Variants in LDAH observed in about 807,000 individuals in gnomAD.
The protein encoded by LDAH is lipid droplet associated hydrolase.
A neutral mutation model predicts 29.6 loss-of-function variants in LDAH; 26 were observed. That is an observed-to-expected ratio of 0.88 (90% CI 0.64 to 1.22). LDAH has a LOEUF of 1.22. Ranked by LOEUF, LDAH falls within the 50% of genes most tolerant of loss-of-function variation. LDAH has a pLI of 0.00. For synonymous variants in LDAH, 117 were observed against 133.0 expected, an observed-to-expected ratio of 0.88 and a Z score of 0.83; for missense variants, 344 against 387.3, an observed-to-expected ratio of 0.89 and a Z score of 0.94.
Position 20,790,316 on chromosome 2 carries a change from AG to A in LDAH, c.236del (p.Thr79IlefsTer34), listed in dbSNP as rs767279748. 1.2e-6 allele frequency: 2 copies of A among 1,614,118 alleles called. No individual in the cohort carries two copies. The highest frequency in any genetic ancestry group is 2.2e-5 in the South Asian group (2 of 91,084). On this transcript the variant is annotated frameshift_variant, in exon 3 of 7. Coordinates refer to ENST00000237822, the MANE Select transcript of LDAH (RefSeq NM_021925.4). LOFTEE classifies it high-confidence loss of function. ...CCAACGCATGCCCAGCATGACTGAT[AG>A]TCCAAACTGGAAAGCGTCTGTTTGT... ...SLTNRRFPVW[T>X]ISHAGHALAP...
intron 4 of LDAH, among the ~76,000 whole-genome samples, chr2:20,744,343 TG>T (rs1209313302): frequency 6.6e-6 from 1 of 151,006 alleles, no homozygotes; most frequent in Non-Finnish European, 1.5e-5. Context: ...AGCAGTTAGG[TG>T]GGGGAAAGGG....
At chr2:20,751,657 T>C (rs1225394443) in intron 4 of LDAH, among the ~76,000 whole-genome samples, 1 of 152,176 alleles carries the variant, frequency 6.6e-6, no homozygotes, top group Non-Finnish European at 1.5e-5. Context: ...CATTCATCCA[T>C]TGATTTCAGG....
rs550014362 is a variant in LDAH at position 20,766,776 on chromosome 2, C to G, written c.468+8034G>C. On this transcript the variant is annotated intron_variant, in intron 4 of 6. Transcript: ENST00000237822. Reference sequence around the variant, plus strand: ...GCTATCCACAGTGGGGAGGCATAGACGGTGGCAGCAGAAGTGGCTACAGGA... The same window carrying G: ...GCTATCCACAGTGGGGAGGCATAGAGGGTGGCAGCAGAAGTGGCTACAGGA... 2.6e-5 allele frequency among the ~76,000 whole-genome samples: 4 copies of G among 152,216 alleles called. No homozygotes were observed. The East Asian group carries it at 7.7e-4, about 29-fold the overall frequency.
At chr2:20,756,521 A>G (rs1668355787) in intron 4 of LDAH, among the ~76,000 whole-genome samples, 1 of 152,174 alleles carries the variant, frequency 6.6e-6, no homozygotes, top group Admixed American at 6.5e-5. Context: ...AGAAAGAGAG[A>G]CCCATGAAGT....
chr2:20,772,848 T>G (rs1277486040), intron 4 of LDAH, among the ~76,000 whole-genome samples: 1 of 152,180 alleles, frequency 6.6e-6, no homozygotes, highest in Non-Finnish European at 1.5e-5. Context: ...AATGGGATCC[T>G]GTCAAAAACC....
intron 4 of LDAH, among the ~76,000 whole-genome samples, chr2:20,755,511 A>T (rs1196662948): frequency 6.6e-6 from 1 of 152,210 alleles, no homozygotes; most frequent in Non-Finnish European, 1.5e-5. Context: ...TTTTGTTCAC[A>T]GATGGATCCA....
chr2:20,736,937 T>C (rs1572511196), intron 5 of LDAH, among the ~76,000 whole-genome samples: 1 of 152,326 alleles, frequency 6.6e-6, no homozygotes, highest in South Asian at 2.1e-4. Context: ...GTTAATAAAT[T>C]TATACATTTT....
At chr2:20,734,150 C>T (rs1034403037) in intron 5 of LDAH, among the ~76,000 whole-genome samples, 1 of 152,120 alleles carries the variant, frequency 6.6e-6, no homozygotes, top group Non-Finnish European at 1.5e-5. Flanking sequence ...TAAATGTTTG[C>T]ATAATGTATC....
intron 1 of LDAH, among the ~76,000 whole-genome samples, chr2:20,813,703 T>C (rs912783342): frequency 6.6e-6 from 1 of 152,254 alleles, no homozygotes; most frequent in Non-Finnish European, 1.5e-5. Flanking sequence ...TAGAATGGTA[T>C]CTTTCCCTCT....
chr2:20,821,617 G>A (rs949940493), intron 1 of LDAH, among the ~76,000 whole-genome samples: 3 of 152,142 alleles, frequency 2.0e-5, no homozygotes, highest in Admixed American at 2.0e-4. Context: ...GGCCTGTTGT[G>A]GGGTGGGGTG....
At chr2:20,727,004 G>GAAAAAC (rs1220706074) in intron 5 of LDAH, among the ~76,000 whole-genome samples, 1 of 151,984 alleles carries the variant, frequency 6.6e-6, no homozygotes. Flanking sequence ...AACACTGACC[G>GAAAAAC]AAAAACAAAA....
At chr2:20,704,145 G>T (rs1017421608) in intron 5 of LDAH, among the ~76,000 whole-genome samples, 2 of 152,218 alleles carry the variant, frequency 1.3e-5, no homozygotes, top group African/African-American at 4.8e-5. Context: ...TCTAGACAGA[G>T]AATAGGGTAG....
chr2:20,762,482 C>T (rs1668758693), intron 4 of LDAH, among the ~76,000 whole-genome samples: 1 of 152,126 alleles, frequency 6.6e-6, no homozygotes, highest in South Asian at 2.1e-4. Context: ...TATCGAAGTA[C>T]ACACATACAC....
At chr2:20,806,088 T>C (rs955578694) in intron 1 of LDAH, among the ~76,000 whole-genome samples, 8 of 152,238 alleles carry the variant, frequency 5.3e-5, no homozygotes, top group Admixed American at 1.3e-4. Context: ...TGATAACAAC[T>C]TTTTTAAGGT....
chr2:20,785,642 C>T (rs1024545970), intron 3 of LDAH, among the ~76,000 whole-genome samples: 2 of 152,136 alleles, frequency 1.3e-5, no homozygotes, highest in Non-Finnish European at 2.9e-5. Context: ...TCTGGTATTC[C>T]AATTATGCAT....
chr2:20,699,165 G>T (rs1369460429), intron 6 of LDAH, among the ~76,000 whole-genome samples: 1 of 152,178 alleles, frequency 6.6e-6, no homozygotes, highest in African/African-American at 2.4e-5. Flanking sequence ...TCAACAAAAT[G>T]TGTGGCTTGA....
At chr2:20,716,762 TG>T (rs1665236431) in intron 5 of LDAH, among the ~76,000 whole-genome samples, 1 of 125,024 alleles carries the variant, frequency 8.0e-6, no homozygotes, top group African/African-American at 2.7e-5. Flanking sequence ...AGAAGCACCC[TG>T]GCTGACAGCC....
chr2:20,740,797 C>T (rs1264528164), intron 4 of LDAH, among the ~76,000 whole-genome samples: 1 of 152,190 alleles, frequency 6.6e-6, no homozygotes, highest in Non-Finnish European at 1.5e-5. Flanking sequence ...AGCACAATTG[C>T]TGGATCACAT....
intron 5 of LDAH, among the ~76,000 whole-genome samples, chr2:20,738,407 C>A (rs1437596211): frequency 2.0e-5 from 3 of 149,596 alleles, no homozygotes; most frequent in Non-Finnish European, 4.4e-5. Flanking sequence ...TGCATCCCTC[C>A]TCTTATTTTC....
Sources: allele counts gnomAD v4.1 joint callset (sites outside exome capture counted in the v4.1 genomes callset), GRCh38; gene constraint gnomAD v4.1.1; transcripts MANE v1.5; gene names NCBI Gene and HGNC (gene_info 2026-07-23, HGNC 2026-07-21).